ASIC2: variants seen among roughly 807,000 people sequenced by gnomAD.
ASIC2 encodes the protein acid-sensing ion channel 2.
ASIC2 carries 25 observed loss-of-function variants against 57.3 expected under a neutral mutation model. That is an observed-to-expected ratio of 0.44 (90% confidence interval 0.32 to 0.61). The LOEUF (loss-of-function observed/expected upper bound fraction) is 0.61, where lower values mean the gene tolerates loss of function less well. Among genes scored for constraint, ASIC2 ranks in the 20% least tolerant of loss-of-function variants. ASIC2 has a pLI of 0.06. For missense variants in ASIC2, 641 were observed against 738.1 expected (o/e 0.87, Z 1.52); for synonymous variants, 319 against 307.5 (o/e 1.04, Z -0.39).
At chr17:33,967,596 G>GT (rs1316519174) in intron 1 of ASIC2, among the ~76,000 whole-genome samples, 1 of 152,156 alleles carries the variant, frequency 6.6e-6, no homozygotes, top group Non-Finnish European at 1.5e-5. Flanking sequence ...ACACCCCACT[G>GT]TTACCTTATA....
intron 1 of ASIC2, among the ~76,000 whole-genome samples, chr17:33,781,189 C>T (rs1911442584): frequency 6.6e-6 from 1 of 152,204 alleles, no homozygotes; most frequent in African/African-American, 2.4e-5. Flanking sequence ...TTGCTAACAG[C>T]CACGCAGCTT....
chr17:33,788,578 G>A (rs754658688), intron 1 of ASIC2, among the ~76,000 whole-genome samples: 3 of 152,004 alleles, frequency 2.0e-5, no homozygotes, highest in Admixed American at 6.6e-5. Flanking sequence ...AATATAAATC[G>A]TTCTACTATA....
intron 1 of ASIC2, among the ~76,000 whole-genome samples, chr17:33,666,139 T>C (rs1907463971): frequency 6.6e-6 from 1 of 152,184 alleles, no homozygotes; most frequent in South Asian, 2.1e-4. Context: ...TGTTCTTTCC[T>C]GGTTTGATTA....
chr17:34,090,487 G>A (rs1910292958), intron 1 of ASIC2, among the ~76,000 whole-genome samples: 1 of 151,948 alleles, frequency 6.6e-6, no homozygotes, highest in Admixed American at 6.6e-5. Flanking sequence ...TGGGGTTGGG[G>A]GTGGGGCAGT....
At chr17:33,210,271 A>G (rs1363289564) in intron 1 of ASIC2, among the ~76,000 whole-genome samples, 2 of 152,206 alleles carry the variant, frequency 1.3e-5, no homozygotes, top group Non-Finnish European at 2.9e-5. Context: ...TAAGCTGCTC[A>G]AGTTCACTCA....
At chr17:33,586,946 C>T (rs1275448695) in intron 1 of ASIC2, among the ~76,000 whole-genome samples, 3 of 152,198 alleles carry the variant, frequency 2.0e-5, no homozygotes, top group Non-Finnish European at 4.4e-5. Flanking sequence ...CTGAGCCACA[C>T]CTAGCATCTA....
chr17:33,333,100 G>GA (rs1334651163), intron 1 of ASIC2, among the ~76,000 whole-genome samples: 1 of 152,222 alleles, frequency 6.6e-6, no homozygotes, highest in African/African-American at 2.4e-5. Flanking sequence ...TGGCCTTGGG[G>GA]AACCTTACTT....
At chr17:33,291,278 T>G (rs2142181663) in intron 1 of ASIC2, 130 bp downstream of exon 1, 2 of 1,426,314 alleles carry the variant, frequency 1.4e-6, no homozygotes, top group East Asian at 5.1e-5. Context: ...GAATGGGTTC[T>G]GCCTTGGCAT....
Position 33,291,435 on chromosome 17 carries a change from C to T in ASIC2, c.681G>A (p.Glu227=). ...DMLLSCKYRG[E]LCGPHNFSSV... is the part of the protein sequence containing the mutation. ...AGGAGAAGTTGTGCGGCCCGCAGAG[C>T]TCGCCGCGGTACTTGCAGGAGAGCA... is the stretch of plus-strand genomic sequence containing the variant. Residue 227 remains glutamate, a synonymous_variant, in exon 1 of 10, where the codon GAG becomes GAA. Transcript: ENST00000225823. 6.2e-7 allele frequency: 1 copy of T among 1,605,036 alleles called. No individual in the cohort carries two copies. Among genetic ancestry groups the T allele is most frequent in the Non-Finnish European group, 8.5e-7 (1 of 1,175,464 alleles).
chr17:34,094,658 C>T (rs1177308730), intron 1 of ASIC2, among the ~76,000 whole-genome samples: 1 of 152,216 alleles, frequency 6.6e-6, no homozygotes, highest in South Asian at 2.1e-4. Context: ...TCTAGCTCAA[C>T]CTTGCAAATT....
intron 1 of ASIC2, among the ~76,000 whole-genome samples, chr17:33,363,804 T>C (rs1201977805): frequency 6.6e-6 from 1 of 152,202 alleles, no homozygotes; most frequent in East Asian, 1.9e-4. Flanking sequence ...GCTTGTTTGC[T>C]TTCCATCTGG....
At chr17:33,468,679 C>T (rs1912940549) in intron 1 of ASIC2, among the ~76,000 whole-genome samples, 1 of 150,828 alleles carries the variant, frequency 6.6e-6, no homozygotes, top group Non-Finnish European at 1.5e-5. Context: ...TATACCCCCA[C>T]CCCACCCCCC....
intron 1 of ASIC2, among the ~76,000 whole-genome samples, chr17:33,335,932 G>T (rs148811741): frequency 6.6e-6 from 1 of 152,188 alleles, no homozygotes; most frequent in Non-Finnish European, 1.5e-5. Flanking sequence ...GGATTAAGCA[G>T]CAGAATCTCC....
At chr17:33,788,889 C>T (rs184462084) in intron 1 of ASIC2, among the ~76,000 whole-genome samples, 1 of 152,166 alleles carries the variant, frequency 6.6e-6, no homozygotes, top group East Asian at 1.9e-4. Flanking sequence ...CAACACACAC[C>T]AGGGCCTGTT....
At chr17:33,184,703 G>A (rs1206931985) in intron 1 of ASIC2, among the ~76,000 whole-genome samples, 2 of 152,106 alleles carry the variant, frequency 1.3e-5, no homozygotes, top group Non-Finnish European at 2.9e-5. Flanking sequence ...GCATCCCGTT[G>A]GATACCTGCC....
intron 1 of ASIC2, among the ~76,000 whole-genome samples, chr17:33,218,225 C>G (rs996595871): frequency 6.6e-6 from 1 of 152,210 alleles, no homozygotes; most frequent in African/African-American, 2.4e-5. Flanking sequence ...AGTTCACATC[C>G]CATCCCTGGG....
In ASIC2 at chr17:34,085,138, C is replaced by G. The variant is rs566801867; in HGVS notation, c.555+70840G>C. Among the ~76,000 whole-genome samples the G allele has an allele frequency of 1.1e-4, 17 of 152,244 alleles. No homozygotes were observed. In the South Asian group the frequency reaches 3.5e-3, roughly 32 times the overall value. Reference sequence around the variant, plus strand: ...TGCCAATTTTCAAAGGGAATGCTTCCAGTTTTTGCCCATTTAGTATGATAT... The same window carrying G: ...TGCCAATTTTCAAAGGGAATGCTTCGAGTTTTTGCCCATTTAGTATGATAT... On this transcript the variant is annotated intron_variant, in intron 1 of 9. Transcript: ENST00000359872.
chr17:33,143,739 C>CA (rs75644661), intron 1 of ASIC2, among the ~76,000 whole-genome samples: 151,350 of 152,162 alleles, frequency 0.99, 75,275 homozygotes, highest in Non-Finnish European at 1. Context: ...CCAATTTTTC[C>CA]AAAAAAACCC....
At chr17:33,989,198 G>C (rs542029134) in intron 1 of ASIC2, among the ~76,000 whole-genome samples, 3 of 152,170 alleles carry the variant, frequency 2.0e-5, no homozygotes, top group Admixed American at 6.5e-5. Flanking sequence ...AGGAATGATG[G>C]TAAGGTCAAG....
Sources: gnomAD v4.1 joint callset for allele counts (sites outside exome capture counted in the v4.1 genomes callset) on GRCh38, gnomAD v4.1.1 for gene constraint, MANE v1.5 for transcripts, NCBI Gene and HGNC (gene_info 2026-07-23, HGNC 2026-07-21) for gene names.